Variants in TTC28 observed in about 807,000 individuals in gnomAD.
TTC28 encodes tetratricopeptide repeat domain 28, also known as tetratricopeptide repeat protein 28.
In TTC28, 61 loss-of-function variants were observed where a neutral mutation model predicts 198.0. That is an observed-to-expected ratio of 0.31 (90% confidence interval 0.25 to 0.38). The LOEUF (loss-of-function observed/expected upper bound fraction) is 0.38. Among genes scored for constraint, TTC28 ranks in the 10% least tolerant of loss-of-function variants. The pLI is 1.00. For synonymous variants in TTC28, 1,171 were observed against 1,297.8 expected (o/e 0.90, Z 2.10); for missense variants, 2,678 against 3,164.0 (o/e 0.85, Z 3.69).
intron 2 of TTC28, among the ~76,000 whole-genome samples, chr22:28,310,135 AAC>A (rs751276999): frequency 9.5e-5 from 7 of 73,332 alleles, no homozygotes; most frequent in South Asian, 4.1e-4. Flanking sequence ...TGTGACACAT[AAC>A]ACACACACAC....
chr22:28,448,939 T>C (rs1056354194), intron 2 of TTC28, among the ~76,000 whole-genome samples: 1 of 152,164 alleles, frequency 6.6e-6, no homozygotes, highest in Non-Finnish European at 1.5e-5. Flanking sequence ...CTGTAGACAC[T>C]GTGAGAAAAC....
intron 12 of TTC28, among the ~76,000 whole-genome samples, chr22:28,041,564 C>T (rs1202867792): frequency 1.3e-5 from 2 of 152,176 alleles, no homozygotes; most frequent in African/African-American, 2.4e-5. Context: ...CTTCCTTACA[C>T]CGTATACAAA....
At chr22:28,560,568 C>G (rs1344079475) in intron 2 of TTC28, among the ~76,000 whole-genome samples, 1 of 152,090 alleles carries the variant, frequency 6.6e-6, no homozygotes, top group East Asian at 1.9e-4. Flanking sequence ...CATTCCCACC[C>G]AAGGAACTGT....
At chr22:28,490,118 C>T (rs574753630) in intron 2 of TTC28, among the ~76,000 whole-genome samples, 68 of 152,240 alleles carry the variant, frequency 4.5e-4, no homozygotes, top group African/African-American at 1.6e-3. Context: ...TGGTGCCCAC[C>T]CAGATTAAGA....
chr22:28,309,715 T>C (rs2045217103), intron 2 of TTC28, among the ~76,000 whole-genome samples: 2 of 152,200 alleles, frequency 1.3e-5, no homozygotes, highest in Non-Finnish European at 2.9e-5. Context: ...GAATACTTGG[T>C]GCCCAGTCAA....
At chr22:28,150,693 T>C (rs959344726) in intron 6 of TTC28, among the ~76,000 whole-genome samples, 2 of 152,196 alleles carry the variant, frequency 1.3e-5, no homozygotes, top group Admixed American at 6.5e-5. Flanking sequence ...AGCAAAGGGC[T>C]ACACAGGAGC....
intron 5 of TTC28, among the ~76,000 whole-genome samples, chr22:28,252,970 T>C (rs902785902): frequency 8.5e-5 from 13 of 152,162 alleles, no homozygotes; most frequent in Non-Finnish European, 1.9e-4. Context: ...TAGCTATAGT[T>C]TGTTTTTTTC....
rs548326611 is a variant in TTC28 at position 28,515,491 on chromosome 22, G to T, written c.381+114061C>A. Among the ~76,000 whole-genome samples the T allele has an allele frequency of 7.5e-4, 115 of 152,318 alleles. 2 individuals are homozygous for T. The South Asian group carries it at 0.022, about 29-fold the overall frequency. On this transcript the variant is annotated intron_variant, in intron 2 of 22. Coordinates refer to ENST00000397906, the MANE Select transcript of TTC28 (RefSeq NM_001145418.2). ...GATATTGCAGAAAGGGCTCTGGTGG[G>T]GTCTTGCTTCACAGCATGCTGTTTG...
chr22:28,184,566 T>C (rs1924012950), intron 5 of TTC28, among the ~76,000 whole-genome samples: 1 of 151,996 alleles, frequency 6.6e-6, no homozygotes, highest in Non-Finnish European at 1.5e-5. Flanking sequence ...CTAAGTTACA[T>C]TTTTAAATTT....
At chr22:28,151,091 C>T (rs1253501188) in intron 6 of TTC28, among the ~76,000 whole-genome samples, 1 of 152,168 alleles carries the variant, frequency 6.6e-6, no homozygotes, top group African/African-American at 2.4e-5. Flanking sequence ...TGTTCATAAT[C>T]ATTTGTGTAA....
chr22:28,483,765 A>C (rs1320408914), intron 2 of TTC28, among the ~76,000 whole-genome samples: 2 of 152,230 alleles, frequency 1.3e-5, no homozygotes, highest in Non-Finnish European at 2.9e-5. Flanking sequence ...GAACGTAACC[A>C]GCAAATCATA....
At chr22:28,547,718 T>C (rs566503639) in intron 2 of TTC28, among the ~76,000 whole-genome samples, 1 of 151,862 alleles carries the variant, frequency 6.6e-6, no homozygotes, top group South Asian at 2.1e-4. Flanking sequence ...CTTAATGATA[T>C]GATGCAATAT....
At chr22:28,119,991 G>A (rs966735242) in intron 6 of TTC28, among the ~76,000 whole-genome samples, 1 of 152,096 alleles carries the variant, frequency 6.6e-6, no homozygotes, top group Non-Finnish European at 1.5e-5. Context: ...AATGCATTAA[G>A]AAGACAGATT....
In TTC28 at chr22:28,287,825, T is replaced by C. The variant is rs530401792; in HGVS notation, c.933+8373A>G. On this transcript the variant is annotated intron_variant, in intron 5 of 22. Transcript: ENST00000397906. ...TTAGAAGGATAACTCAAAGAGCTTATAGAAGATGGACTAGATCAAGAAGAA... is the reference window on the plus strand; with the variant it reads ...TTAGAAGGATAACTCAAAGAGCTTACAGAAGATGGACTAGATCAAGAAGAA... Among the ~76,000 whole-genome samples, 4 of 152,264 alleles carry C rather than the reference T, an allele frequency of 2.6e-5. No homozygotes were observed. The East Asian group carries it at 5.8e-4, about 22-fold the overall frequency.
intron 17 of TTC28, chr22:27,994,424 A>T (rs1242388441): frequency 6.7e-6 from 1 of 149,800 alleles, no homozygotes; most frequent in African/African-American, 2.5e-5. Flanking sequence ...CCGGAGGGGC[A>T]TGAGTGGTCC....
At chr22:28,184,151 C>T (rs1487722693) in intron 5 of TTC28, among the ~76,000 whole-genome samples, 3 of 152,024 alleles carry the variant, frequency 2.0e-5, no homozygotes, top group African/African-American at 7.2e-5. Flanking sequence ...ACCTTATGGG[C>T]TTATTATGAC....
intron 2 of TTC28, among the ~76,000 whole-genome samples, chr22:28,457,671 A>G (rs1466130552): frequency 1.3e-5 from 2 of 152,184 alleles, no homozygotes; most frequent in African/African-American, 4.8e-5. Flanking sequence ...ATCAAATAGT[A>G]CCATACTGTT....
At chr22:28,590,836 C>T (rs2050413780) in intron 2 of TTC28, among the ~76,000 whole-genome samples, 1 of 150,856 alleles carries the variant, frequency 6.6e-6, no homozygotes, top group Non-Finnish European at 1.5e-5. Context: ...TGGTGAACCC[C>T]CGTCTCTACC....
At chr22:28,547,217 T>A (rs1209076018) in intron 2 of TTC28, among the ~76,000 whole-genome samples, 1 of 139,560 alleles carries the variant, frequency 7.2e-6, no homozygotes, top group Non-Finnish European at 1.6e-5. Flanking sequence ...TGTGTGTGAG[T>A]GTGTGTGTGT....
Sources: allele counts gnomAD v4.1 joint callset (sites outside exome capture counted in the v4.1 genomes callset), GRCh38; gene constraint gnomAD v4.1.1; transcripts MANE v1.5; gene names NCBI Gene and HGNC (gene_info 2026-07-23, HGNC 2026-07-21).